Variants in CDO1 observed in about 807,000 individuals in gnomAD.
CDO1 encodes cysteine dioxygenase, type I.
CDO1 carries 19 observed loss-of-function variants against 24.5 expected under a neutral mutation model. The observed-to-expected ratio is 0.77, with a 90% CI of 0.54 to 1.14. The LOEUF is 1.14. CDO1 is among the 50% of genes most tolerant of loss of function. The pLI, the probability that CDO1 is intolerant of heterozygous loss-of-function variation, is 0.00. For synonymous variants in CDO1, 91 were observed against 87.0 expected (o/e 1.05, Z -0.26); for missense variants, 244 against 244.8 (o/e 1.00, Z 0.02).
chr5:115,806,077 T>C (rs1269869643), intron 4 of CDO1, among the ~76,000 whole-genome samples: 7 of 152,236 alleles, frequency 4.6e-5, no homozygotes, highest in Non-Finnish European at 1.5e-5. Context: ...GTAACAGTTA[T>C]ATCAAATAAT....
At chr5:115,813,744 G>C (rs768270278) in intron 1 of CDO1, among the ~76,000 whole-genome samples, 7 of 151,626 alleles carry the variant, frequency 4.6e-5, no homozygotes, top group Non-Finnish European at 7.4e-5. Flanking sequence ...ACATTCAAAA[G>C]CCCTTATAAT....
At chr5:115,812,197 C>G (rs1760218669) in intron 2 of CDO1, among the ~76,000 whole-genome samples, 1 of 152,126 alleles carries the variant, frequency 6.6e-6, no homozygotes, top group Non-Finnish European at 1.5e-5. Flanking sequence ...ACACTTCATT[C>G]CATATGAGTA....
At position 115,816,583 on chromosome 5, in the gene CDO1, CCCCCAGG is replaced by C; in HGVS notation, c.-193_-187del. 2 of 625,818 alleles carry C rather than the reference CCCCCAGG, an allele frequency of 3.2e-6. No individual in the cohort carries two copies. Among genetic ancestry groups the C allele is most frequent in the Non-Finnish European group, 5.5e-6 (2 of 361,646 alleles). The allele number at this position is 625,818 out of a possible 1,614,324, so 38.8% of individuals were successfully genotyped here. On this transcript the variant is annotated 5_prime_UTR_variant, in exon 1 of 5. Coordinates refer to ENST00000250535, the MANE Select transcript of CDO1 (RefSeq NM_001801.3). ...CGTCGCAGAGACAGCAAGAGACCCA[CCCCCAGG>C]CCCCTGGCAGCGCAGTGGATCCGGG...
chr5:115,811,977 G>A (rs1760207842), intron 2 of CDO1, among the ~76,000 whole-genome samples: 2 of 152,180 alleles, frequency 1.3e-5, no homozygotes, highest in African/African-American at 4.8e-5. Flanking sequence ...TGCAATCTCA[G>A]AGTGAATAGT....
Position 115,816,654 on chromosome 5 carries a change from A to G in CDO1, c.-257T>C. ...CGGTGCACACACAAATCAGGTTCAG[A>G]TCTGTGGGGTTCATCCTCCCGGGCC... On this transcript the variant is annotated 5_prime_UTR_variant, in exon 1 of 5. Coordinates refer to ENST00000250535, the MANE Select transcript of CDO1 (RefSeq NM_001801.3). The G allele has an allele frequency of 2.1e-6, 1 of 482,070 alleles. No homozygotes were observed. Among genetic ancestry groups the G allele is most frequent in the South Asian group, 2.4e-5 (1 of 41,864 alleles). 29.9% of individuals were successfully genotyped at this position (482,070 alleles called of 1,614,324 possible).
rs1461432330 is a variant in CDO1 at position 115,816,628 on chromosome 5, G to C, written c.-231C>G. 1.8e-6 allele frequency: 1 copy of C among 556,886 alleles called. No individual in the cohort carries two copies. The highest frequency in any genetic ancestry group is 3.2e-6 in the Non-Finnish European group (1 of 309,410). 34.5% of individuals were successfully genotyped at this position (556,886 alleles called of 1,614,324 possible). On this transcript the variant is annotated 5_prime_UTR_variant, in exon 1 of 5. Transcript: ENST00000250535. ...CAGTGGATCCGGGATCGCTGGAGAC[G>C]CGGTGCACACACAAATCAGGTTCAG... is the stretch of plus-strand genomic sequence containing the variant.
intron 4 of CDO1, among the ~76,000 whole-genome samples, chr5:115,805,774 T>G (rs1261445595): frequency 6.6e-6 from 1 of 152,232 alleles, no homozygotes; most frequent in African/African-American, 2.4e-5. Flanking sequence ...TTAAAGACTA[T>G]TCCTCTAAAT....
In CDO1 at chr5:115,812,662, C is replaced by T. The variant is rs542550802; in HGVS notation, c.248+519G>A. On this transcript the variant is annotated intron_variant, in intron 2 of 4. Transcript: ENST00000250535. ...TTTGATTTACTATTCATTTTGGGGG[C>T]TGGTTTTAATATGTGTAGTGTATGC... 9.2e-5 allele frequency among the ~76,000 whole-genome samples: 14 copies of T among 152,204 alleles called. 1 individual carries two copies. The East Asian group carries it at 1.7e-3, about 19-fold the overall frequency.
chr5:115,809,617 T>G (rs1760100505), intron 3 of CDO1: 1 of 152,216 alleles, frequency 6.6e-6, no homozygotes, highest in Non-Finnish European at 1.5e-5. Context: ...TTACAACAAT[T>G]GTACCTTCAC....
At position 115,805,357 on chromosome 5, in the gene CDO1, C is replaced by A. The variant is rs895081124; in HGVS notation, c.*76G>T. 6 of 1,238,988 alleles carry A rather than the reference C, an allele frequency of 4.8e-6. No individual in the cohort carries two copies. Among genetic ancestry groups the A allele is most frequent in the Non-Finnish European group, 3.5e-6 (3 of 848,470 alleles). 76.7% of individuals were successfully genotyped at this position (1,238,988 alleles called of 1,614,324 possible). On this transcript the variant is annotated 3_prime_UTR_variant, in exon 5 of 5. Coordinates refer to ENST00000250535, the MANE Select transcript of CDO1 (RefSeq NM_001801.3). ...TATTTAAGTATATTACTGGATAGCA[C>A]GTGGTAGGTAGCCTTTTTGTCCAAG...
Position 115,814,862 on chromosome 5 carries a change from G to A in CDO1, c.170+1366C>T, listed in dbSNP as rs558152433. ...GCCTGCCATTCCTCATATGTGTCAAGTGTCTGGAAGAGTACCTGTCCCATA... is the reference window on the plus strand; with the variant it reads ...GCCTGCCATTCCTCATATGTGTCAAATGTCTGGAAGAGTACCTGTCCCATA... On this transcript the variant is annotated intron_variant, in intron 1 of 4. Coordinates refer to ENST00000250535, the MANE Select transcript of CDO1 (RefSeq NM_001801.3). 3.9e-5 allele frequency among the ~76,000 whole-genome samples: 6 copies of A among 152,280 alleles called. No homozygotes were observed. The South Asian group carries it at 8.3e-4, about 21-fold the overall frequency.
chr5:115,805,331 T>C lies in CDO1; in HGVS notation c.*102A>G, dbSNP rs1759893745. 1 of 981,322 alleles carries C rather than the reference T, an allele frequency of 1.0e-6. No homozygotes were observed. The highest frequency in any genetic ancestry group is 2.2e-5 in the Admixed American group (1 of 44,836). 60.8% of individuals were successfully genotyped at this position (981,322 alleles called of 1,614,324 possible). A position where few individuals can be genotyped will look rare whatever the true frequency, so the allele number is the denominator to read the frequency against. On this transcript the variant is annotated 3_prime_UTR_variant, in exon 5 of 5. Coordinates refer to ENST00000250535, the MANE Select transcript of CDO1 (RefSeq NM_001801.3). The stretch of plus-strand genomic sequence containing the variant: ...CCTTACAGTAGATCTAAGTATTGGC[T>C]TATTTAAGTATATTACTGGATAGCA...
rs151045498 is a variant in CDO1, at chr5:115,816,281, G to C, written c.117C>G (p.Ala39=). 6.2e-6 allele frequency: 10 copies of C among 1,614,044 alleles called. No individual in the cohort carries two copies. The Admixed American group carries it at 1.7e-4, about 27-fold the overall frequency. Residue 39 remains alanine, a synonymous_variant, in exon 1 of 5, where the codon GCC becomes GCG. Coordinates refer to ENST00000250535, the MANE Select transcript of CDO1 (RefSeq NM_001801.3). ...NVEEVQAIME[A]YESDPTEWAM... ...CCCACTCGGTGGGGTCGCTCTCGTA[G>C]GCTTCCATGATGGCCTGCACCTCCT...
In CDO1 at chr5:115,806,366, C is replaced by T. The variant is rs1457623282; in HGVS notation, c.556G>A (p.Gly186Arg). The change falls in exon 4 of 5, where the codon GGA (glycine) becomes AGA (arginine). Residue 186 changes from glycine (G) to arginine (R), a missense_variant. Physicochemically the swap from Gly to Arg is moderately radical, Grantham distance 125 (BLOSUM62 -2). Transcript: ENST00000250535. ...ATACTCACATTTGGAGTTCTGATTC[C>T]AAATTTACTATGGAATGTCATTGTG... is the stretch of plus-strand genomic sequence containing the variant. ...KVTMTFHSKF[G>R]IRTPNATSGS... 2 of 1,604,770 alleles carry T rather than the reference C, an allele frequency of 1.2e-6. No individual in the cohort carries two copies. The highest frequency in any genetic ancestry group is 1.3e-5 in the African/African-American group (1 of 74,398).
Position 115,816,281 on chromosome 5 carries a change from G to A in CDO1, c.117C>T (p.Ala39=), listed in dbSNP as rs151045498. Residue 39 remains alanine, a synonymous_variant, in exon 1 of 5, where the codon GCC becomes GCT. Coordinates refer to ENST00000250535, the MANE Select transcript of CDO1 (RefSeq NM_001801.3). ...CCCACTCGGTGGGGTCGCTCTCGTA[G>A]GCTTCCATGATGGCCTGCACCTCCT... ...NVEEVQAIME[A]YESDPTEWAM... The A allele has an allele frequency of 4.7e-4, 758 of 1,614,160 alleles. 6 individuals carry two copies. In the African/African-American group the frequency reaches 8.5e-3, roughly 18 times the overall value.
At chr5:115,813,411 C>T (rs1760284417) in intron 1 of CDO1, among the ~76,000 whole-genome samples, 153 bp from the exon 2 acceptor site, 1 of 152,168 alleles carries the variant, frequency 6.6e-6, no homozygotes, top group African/African-American at 2.4e-5. Flanking sequence ...AGAAATCCAA[C>T]ACAAATGAAA....
In CDO1 at chr5:115,805,345, T is replaced by C. The variant is rs1182689972; in HGVS notation, c.*88A>G. On this transcript the variant is annotated 3_prime_UTR_variant, in exon 5 of 5. Transcript: ENST00000250535. ...TAAGTATTGGCTTATTTAAGTATAT[T>C]ACTGGATAGCACGTGGTAGGTAGCC... 1 of 1,118,550 alleles carries C rather than the reference T, an allele frequency of 8.9e-7. No individual in the cohort carries two copies. The highest frequency in any genetic ancestry group is 1.6e-5 in the African/African-American group (1 of 62,976). 69.3% of individuals were successfully genotyped at this position (1,118,550 alleles called of 1,614,324 possible). A position where few individuals can be genotyped will look rare whatever the true frequency, so the allele number is the denominator to read the frequency against.
At position 115,804,868 on chromosome 5, in the gene CDO1, C is replaced by G. The variant is rs1302444131; in HGVS notation, c.*565G>C. ...TGGGGATCATGTACTTTTCTAAATC[C>G]TCTGCACTTCCTTTCATTAACAAAT... On this transcript the variant is annotated 3_prime_UTR_variant, in exon 5 of 5. Transcript: ENST00000250535. The G allele has an allele frequency of 2.0e-5, 3 of 152,142 alleles. No homozygotes were observed. Among genetic ancestry groups the G allele is most frequent in the Non-Finnish European group, 2.9e-5 (2 of 68,046 alleles). The allele number at this position is 152,142 out of a possible 1,614,324, so 9.4% of individuals were successfully genotyped here.
chr5:115,805,173 G>A lies in CDO1; in HGVS notation c.*260C>T. The A allele has an allele frequency of 2.5e-6, 1 of 395,456 alleles. No homozygotes were observed. The highest frequency in any genetic ancestry group is 4.5e-6 in the Non-Finnish European group (1 of 223,462). 24.5% of individuals were successfully genotyped at this position (395,456 alleles called of 1,614,324 possible). ...TCCTAGTATGGATTTAATGGAATTA[G>A]AGGATAGAACTATGAGAGCACTTGA... On this transcript the variant is annotated 3_prime_UTR_variant, in exon 5 of 5. Coordinates refer to ENST00000250535, the MANE Select transcript of CDO1 (RefSeq NM_001801.3).
Sources: gnomAD v4.1 joint callset for allele counts (sites outside exome capture counted in the v4.1 genomes callset) on GRCh38, gnomAD v4.1.1 for gene constraint, MANE v1.5 for transcripts, NCBI Gene and HGNC (gene_info 2026-07-23, HGNC 2026-07-21) for gene names.